Variants in UROS observed in about 807,000 individuals in gnomAD.
UROS encodes uroporphyrinogen III synthase.
A neutral mutation model predicts 33.0 loss-of-function variants in UROS; 18 were observed. The observed-to-expected ratio is 0.55, with a 90% CI of 0.38 to 0.81. The LOEUF is 0.81. Among genes scored for constraint, UROS ranks in the 30% least tolerant of loss-of-function variants. The pLI is 0.00. For missense variants in UROS, 293 were observed against 314.9 expected (o/e 0.93, Z 0.53); for synonymous variants, 114 against 121.1 (o/e 0.94, Z 0.38).
intron 8 of UROS, 107 bp from the exon 9 acceptor site, chr10:125,795,085 G>A (rs549293882): frequency 2.2e-5 from 24 of 1,081,046 alleles, no homozygotes; most frequent in Admixed American, 7.5e-5. Flanking sequence ...CCACCAAGGC[G>A]GTTTTAGCAC....
At position 125,815,065 on chromosome 10, in the gene UROS, C is replaced by G. The variant is rs1853181184; in HGVS notation, c.213G>C (p.Glu71Asp). ...TTTTATTGTTTTGCTCCAAACATAA[C>G]TCTGCTGCTTCCACTGCTCTGGGGC... ...FTSPRAVEAA[E>D]LCLEQNNKTE... is the part of the protein sequence containing the mutation. The change falls in exon 4 of 10, where the codon GAG becomes GAC. Residue 71 changes from glutamate (E) to aspartate (D), a missense_variant. By Grantham distance (45) the Glu-to-Asp change is conservative. Transcript: ENST00000368797. 2.5e-6 allele frequency: 4 copies of G among 1,614,214 alleles called. No homozygotes were observed. Among genetic ancestry groups the G allele is most frequent in the Non-Finnish European group, 3.4e-6 (4 of 1,180,028 alleles).
intron 1 of UROS, among the ~76,000 whole-genome samples, chr10:125,820,207 C>T (rs1853752588): frequency 6.6e-6 from 1 of 152,174 alleles, no homozygotes; most frequent in Admixed American, 6.5e-5. Flanking sequence ...TTAGCTCATG[C>T]AGTTATGGAG....
intron 8 of UROS, among the ~76,000 whole-genome samples, chr10:125,795,861 C>G (rs1851306437): frequency 6.6e-6 from 1 of 152,230 alleles, no homozygotes; most frequent in Non-Finnish European, 1.5e-5. Flanking sequence ...ACAAGCACCT[C>G]TTACCGAAAT....
In UROS at chr10:125,812,928, A is replaced by C. The variant is rs115447097; in HGVS notation, c.245-640T>G. On this transcript the variant is annotated intron_variant, in intron 4 of 9. Coordinates refer to ENST00000368797, the MANE Select transcript of UROS (RefSeq NM_000375.3). ...CATAAAGCTACTGGGCATTCATTAC[A>C]TTTTTAGAAAACAGGGAAATAATGG... Among the ~76,000 whole-genome samples, 695 of 152,316 alleles carry C rather than the reference A, an allele frequency of 4.6e-3. 3 individuals are homozygous for C. Among genetic ancestry groups the C allele is most frequent in the African/African-American group, 0.015 (642 of 41,570 alleles).
At chr10:125,813,489 G>A (rs1035721222) in intron 4 of UROS, among the ~76,000 whole-genome samples, 2 of 152,120 alleles carry the variant, frequency 1.3e-5, no homozygotes, top group African/African-American at 4.8e-5. Flanking sequence ...AAAGCACCCA[G>A]AGCACCACTG....
chr10:125,789,077 T>C (rs1445419553), intron 9 of UROS, 72 bp from the exon 10 acceptor site: 20 of 1,580,602 alleles, frequency 1.3e-5, no homozygotes, highest in Admixed American at 3.4e-5. Context: ...GCTGGATGTG[T>C]GCAGGGGCCG....
At chr10:125,808,439 G>C (rs1852522233) in intron 5 of UROS, among the ~76,000 whole-genome samples, 1 of 152,210 alleles carries the variant, frequency 6.6e-6, no homozygotes, top group Non-Finnish European at 1.5e-5. Flanking sequence ...TTATGCTACA[G>C]TGGCAACCGA....
chr10:125,785,517 T>C (rs1850612957), downstream of UROS: 1 of 152,264 alleles, frequency 6.6e-6, no homozygotes. Context: ...TGGTAGCTTA[T>C]TTTCTGAAGA....
chr10:125,820,681 A>G (rs1467050139), intron 1 of UROS, among the ~76,000 whole-genome samples: 2 of 152,246 alleles, frequency 1.3e-5, no homozygotes, highest in Admixed American at 1.3e-4. Flanking sequence ...AGGTGGTGTT[A>G]GCCTTATTTG....
intron 9 of UROS, among the ~76,000 whole-genome samples, chr10:125,789,739 G>A (rs1373151083): frequency 6.6e-6 from 1 of 152,198 alleles, no homozygotes; most frequent in Non-Finnish European, 1.5e-5. Context: ...CCACAGGCTC[G>A]ATGGTTCTGT....
At chr10:125,804,457 T>C (rs1485913059) in intron 6 of UROS, among the ~76,000 whole-genome samples, 4 of 152,166 alleles carry the variant, frequency 2.6e-5, no homozygotes, top group Non-Finnish European at 4.4e-5. Flanking sequence ...ACATAAGTGT[T>C]TCCCTGAGTT....
downstream of UROS, chr10:125,785,153 G>C (rs1236482717): frequency 6.6e-6 from 1 of 152,250 alleles, no homozygotes; most frequent in Non-Finnish European, 1.5e-5. Context: ...AAGAAGTCTA[G>C]AGTTGGGATA....
intron 9 of UROS, chr10:125,791,513 C>T (rs772489263): frequency 1.3e-5 from 2 of 152,032 alleles, no homozygotes; most frequent in South Asian, 2.1e-4. Flanking sequence ...TATGTCCACA[C>T]AGAAAATTGT....
chr10:125,807,267 C>G, intron 6 of UROS, 146 bp downstream of exon 6: 1 of 729,768 alleles, frequency 1.4e-6, no homozygotes, highest in Non-Finnish European at 2.4e-6. Flanking sequence ...TACAAATAGG[C>G]TATGCTCCCA....
chr10:125,803,380 G>T (rs544826122), intron 6 of UROS, among the ~76,000 whole-genome samples: 9 of 152,316 alleles, frequency 5.9e-5, no homozygotes, highest in Non-Finnish European at 1.2e-4. Context: ...GAAGCTGCCT[G>T]CCAGCAAGCC....
chr10:125,789,148 C>G, intron 9 of UROS, 143 bp from the exon 10 acceptor site: 1 of 1,421,632 alleles, frequency 7.0e-7, no homozygotes, highest in Non-Finnish European at 9.6e-7. Flanking sequence ...AATGACAACA[C>G]TGCCCGATTC....
chr10:125,822,401 C>T (rs1352284791), intron 1 of UROS, among the ~76,000 whole-genome samples: 1 of 150,696 alleles, frequency 6.6e-6, no homozygotes, highest in Non-Finnish European at 1.5e-5. Context: ...CGGCTCACTG[C>T]AACCTCCGTC....
chr10:125,798,035 T>C (rs1851513168), intron 7 of UROS, 30 bp downstream of exon 7: 1 of 1,612,384 alleles, frequency 6.2e-7, no homozygotes, highest in Non-Finnish European at 8.5e-7. Flanking sequence ...CCCAAAGTGG[T>C]AAGGGATGCA....
intron 6 of UROS, among the ~76,000 whole-genome samples, chr10:125,806,684 C>G (rs1157765915): frequency 6.6e-6 from 1 of 152,160 alleles, no homozygotes. Context: ...TAAGATAGTT[C>G]TACTTCATGC....
Sources: allele counts gnomAD v4.1 joint callset (sites outside exome capture counted in the v4.1 genomes callset), GRCh38; gene constraint gnomAD v4.1.1; transcripts MANE v1.5; gene names NCBI Gene and HGNC (gene_info 2026-07-23, HGNC 2026-07-21).